Variants in MCUB observed in about 807,000 individuals in gnomAD.
MCUB encodes mitochondrial calcium uniporter dominant negative subunit beta, also known as calcium uniporter regulatory subunit MCUb, mitochondrial.
In MCUB, 46 loss-of-function variants were observed where a neutral mutation model predicts 41.4. The observed-to-expected ratio is 1.11, with a 90% confidence interval of 0.88 to 1.42. The LOEUF (loss-of-function observed/expected upper bound fraction) is 1.42, where lower values mean the gene tolerates loss of function less well. Ranked by LOEUF, MCUB falls within the 40% of genes most tolerant of loss-of-function variation. MCUB has a pLI of 0.00. For missense variants in MCUB, 403 were observed against 404.9 expected, an observed-to-expected ratio of 1.00 and a Z score of 0.04; for synonymous variants, 148 against 148.2, an observed-to-expected ratio of 1.00 and a Z score of 0.01.
intron 1 of MCUB, among the ~76,000 whole-genome samples, chr4:109,629,044 G>C (rs1452250971): frequency 1.3e-5 from 2 of 152,144 alleles, no homozygotes; most frequent in African/African-American, 4.8e-5. Flanking sequence ...TGTTAGGTAG[G>C]GTCTTAGCGA....
At position 109,687,505 on chromosome 4, in the gene MCUB, CCCAT is replaced by C; in HGVS notation, c.934-9_934-6del. On this transcript the variant is annotated splice_polypyrimidine_tract_variant and splice_region_variant and intron_variant, in intron 7 of 7. Coordinates refer to ENST00000394650, the MANE Select transcript of MCUB (RefSeq NM_017918.5). Reference sequence around the variant, plus strand: ...TTCTGATCACATGCTTTTTCTTTTTCCCATGACAGGCTAAAGAATCCCTGAAACA... The same window carrying C: ...TTCTGATCACATGCTTTTTCTTTTTCGACAGGCTAAAGAATCCCTGAAACA... 7 of 1,599,900 alleles carry C rather than the reference CCCAT, an allele frequency of 4.4e-6. No individual in the cohort carries two copies. The highest frequency in any genetic ancestry group is 6.0e-6 in the Non-Finnish European group (7 of 1,169,384).
intron 1 of MCUB, among the ~76,000 whole-genome samples, chr4:109,563,536 A>G (rs1009169652): frequency 1.1e-4 from 17 of 152,344 alleles, no homozygotes; most frequent in Non-Finnish European, 2.1e-4. Flanking sequence ...CAATTGGTTA[A>G]GTGTTGGTGA....
chr4:109,650,488 C>G (rs750122055), intron 1 of MCUB, among the ~76,000 whole-genome samples: 6 of 151,044 alleles, frequency 4.0e-5, no homozygotes, highest in South Asian at 2.1e-4. Flanking sequence ...TTTTTTTTAC[C>G]CTGGCCTACC....
chr4:109,643,239 A>C (rs1280603141), intron 1 of MCUB, among the ~76,000 whole-genome samples: 3 of 150,932 alleles, frequency 2.0e-5, no homozygotes. Flanking sequence ...AGGCTGGAGT[A>C]CAATGGCGCA....
In MCUB at chr4:109,660,044, A is replaced by C. The variant is rs1561244738; in HGVS notation, c.176-151A>C. On this transcript the variant is annotated intron_variant, in intron 2 of 7. Coordinates refer to ENST00000394650, the MANE Select transcript of MCUB (RefSeq NM_017918.5). ...TGGTAGGGAATATGTAAACTGTAGT[A>C]TAATGAAGGCATTATTGGAGCAATA... The C allele has an allele frequency of 1.2e-5, 7 of 578,324 alleles. No individual in the cohort carries two copies. The South Asian group carries it at 1.5e-4, about 13-fold the overall frequency. 35.8% of individuals were successfully genotyped at this position (578,324 alleles called of 1,614,324 possible). A position where few individuals can be genotyped will look rare whatever the true frequency, so the allele number is the denominator to read the frequency against.
chr4:109,675,059 A>T (rs1378611969), intron 4 of MCUB, among the ~76,000 whole-genome samples: 1 of 152,244 alleles, frequency 6.6e-6, no homozygotes, highest in Non-Finnish European at 1.5e-5. Flanking sequence ...AACATGGTAT[A>T]TGTATTGTTA....
At chr4:109,646,262 A>G (rs371741529) in intron 1 of MCUB, among the ~76,000 whole-genome samples, 39 of 152,298 alleles carry the variant, frequency 2.6e-4, no homozygotes, top group African/African-American at 9.1e-4. Context: ...AAATTGATCT[A>G]GAACAAAACT....
rs139556611 is a variant in MCUB at position 109,645,766 on chromosome 4, A to T, written c.100-13245A>T. On this transcript the variant is annotated intron_variant, in intron 1 of 7. Transcript: ENST00000394650. ...CATCTTCCCACCATAAAATCTGTAG[A>T]CTCAATCTCTACCTACCATCTCTTC... 3.1e-3 allele frequency among the ~76,000 whole-genome samples: 464 copies of T among 152,080 alleles called. 2 individuals carry two copies. The highest frequency in any genetic ancestry group is 2.2e-3 in the Non-Finnish European group (148 of 67,980).
At chr4:109,606,799 T>TGCGATGGC (rs1397390485) in intron 1 of MCUB, among the ~76,000 whole-genome samples, 1 of 152,244 alleles carries the variant, frequency 6.6e-6, no homozygotes, top group Non-Finnish European at 1.5e-5. Flanking sequence ...CAGGCTGGAG[T>TGCGATGGC]GCGATGGCGC....
intron 1 of MCUB, among the ~76,000 whole-genome samples, chr4:109,628,282 C>T (rs557401505): frequency 4.2e-4 from 64 of 152,144 alleles, no homozygotes; most frequent in Middle Eastern, 6.8e-3. Context: ...GGCCAGTGCG[C>T]CTGGAGAGGA....
intron 1 of MCUB, among the ~76,000 whole-genome samples, chr4:109,601,581 T>A (rs1442758598): frequency 6.6e-6 from 1 of 152,226 alleles, no homozygotes; most frequent in Non-Finnish European, 1.5e-5. Context: ...ATTCTTTTTT[T>A]AATGGCTGAA....
At chr4:109,608,390 C>G (rs145539282) in intron 1 of MCUB, among the ~76,000 whole-genome samples, 2 of 152,238 alleles carry the variant, frequency 1.3e-5, no homozygotes, top group East Asian at 3.9e-4. Context: ...GGATTTGTCT[C>G]TGGTGCCTTA....
intron 1 of MCUB, among the ~76,000 whole-genome samples, chr4:109,613,300 T>G (rs543606961): frequency 5.9e-5 from 9 of 152,282 alleles, no homozygotes; most frequent in African/African-American, 2.2e-4. Flanking sequence ...TGGCTCAAAA[T>G]GGCACACATT....
intron 1 of MCUB, among the ~76,000 whole-genome samples, chr4:109,618,409 T>G (rs1728175814): frequency 6.6e-6 from 1 of 152,164 alleles, no homozygotes; most frequent in African/African-American, 2.4e-5. Flanking sequence ...GCTCTTACAT[T>G]AGCTCTTTTT....
intron 1 of MCUB, chr4:109,648,718 G>A (rs1321312996): frequency 1.8e-4 from 45 of 243,258 alleles, no homozygotes; most frequent in East Asian, 2.4e-4. Context: ...TTTTGGTACA[G>A]AGAAGCAAAA....
chr4:109,601,297 A>T (rs1727727638), intron 1 of MCUB, among the ~76,000 whole-genome samples: 1 of 152,154 alleles, frequency 6.6e-6, no homozygotes, highest in African/African-American at 2.4e-5. Flanking sequence ...ATTATTATTT[A>T]CTATAGTCAC....
chr4:109,619,030 G>GCCTA (rs762220634), intron 1 of MCUB, among the ~76,000 whole-genome samples: 4,512 of 118,714 alleles, frequency 0.038, 127 homozygotes, highest in Admixed American at 0.079. Flanking sequence ...CTACCTGCCT[G>GCCTA]CCTACCTACC....
intron 4 of MCUB, among the ~76,000 whole-genome samples, chr4:109,675,925 A>G (rs998643180): frequency 6.6e-6 from 1 of 152,242 alleles, no homozygotes; most frequent in Non-Finnish European, 1.5e-5. Flanking sequence ...AGACTCCAGA[A>G]CTGTGAGGAA....
intron 1 of MCUB, among the ~76,000 whole-genome samples, chr4:109,600,399 T>G (rs1281055198): frequency 6.6e-6 from 1 of 152,242 alleles, no homozygotes; most frequent in Non-Finnish European, 1.5e-5. Flanking sequence ...TTACTAGTCC[T>G]TAATGCCTGT....
Sources: gnomAD v4.1 joint callset for allele counts (sites outside exome capture counted in the v4.1 genomes callset) on GRCh38, gnomAD v4.1.1 for gene constraint, MANE v1.5 for transcripts, NCBI Gene and HGNC (gene_info 2026-07-23, HGNC 2026-07-21) for gene names.